GABRG3: variants seen among roughly 807,000 people sequenced by gnomAD.
The protein encoded by GABRG3 is gamma-aminobutyric acid type A receptor subunit gamma3, also known as gamma-aminobutyric acid receptor subunit gamma-3.
Under a neutral mutation model 48.8 loss-of-function variants are expected in GABRG3, and 25 were observed. The ratio of observed to expected loss-of-function variants is 0.51; its 90% CI spans 0.37 to 0.72. The LOEUF (loss-of-function observed/expected upper bound fraction) is 0.72. Ranked by LOEUF, GABRG3 falls within the 30% of genes least tolerant of loss-of-function variation. The pLI, the probability that GABRG3 is intolerant of heterozygous loss-of-function variation, is 0.00. For missense variants in GABRG3, 394 were observed against 577.9 expected, an observed-to-expected ratio of 0.68 and a Z score of 3.26; for synonymous variants, 227 against 217.6, an observed-to-expected ratio of 1.04 and a Z score of -0.38.
intron 3 of GABRG3, among the ~76,000 whole-genome samples, chr15:27,105,216 G>A (rs538688054): frequency 6.6e-6 from 1 of 152,186 alleles, no homozygotes; most frequent in East Asian, 1.9e-4. Flanking sequence ...TAAAAGGATC[G>A]ATTCACCAGG....
intron 3 of GABRG3, among the ~76,000 whole-genome samples, chr15:27,136,538 T>C (rs1466107062): frequency 2.0e-5 from 3 of 152,138 alleles, no homozygotes; most frequent in Non-Finnish European, 2.9e-5. Context: ...GGGGTGATCG[T>C]GTTTCAGGCA....
chr15:27,265,707 CT>C (rs1423023698), intron 3 of GABRG3, among the ~76,000 whole-genome samples: 1 of 152,150 alleles, frequency 6.6e-6, no homozygotes, highest in African/African-American at 2.4e-5. Flanking sequence ...GTTGCAAATA[CT>C]TTCTCTCAGT....
At position 26,974,094 on chromosome 15, in the gene GABRG3, T is replaced by G. The variant is rs1040546390; in HGVS notation, c.53+2506T>G. On this transcript the variant is annotated intron_variant, in intron 1 of 9. Transcript: ENST00000615808. This position sits in a 1 kb window ranked among gnomAD's most constrained non-coding sequence, Gnocchi z 4.3. The stretch of plus-strand genomic sequence containing the variant: ...GAGGCTTCTATTTCATTTTCAGGAT[T>G]TGAGGGAGAAGGGTGCTCACTGCCC... Among the ~76,000 whole-genome samples, 1 of 152,168 alleles carries G rather than the reference T, an allele frequency of 6.6e-6. No individual in the cohort carries two copies. Among genetic ancestry groups the G allele is most frequent in the Admixed American group, 6.5e-5 (1 of 15,276 alleles).
At chr15:27,356,341 C>T (rs1477488785) in intron 5 of GABRG3, among the ~76,000 whole-genome samples, 2 of 152,020 alleles carry the variant, frequency 1.3e-5, no homozygotes, top group Non-Finnish European at 2.9e-5. Context: ...TTCTTTGAAT[C>T]AGTGATTCCA....
In GABRG3 at chr15:27,151,384, C is replaced by T. The variant is rs552923237; in HGVS notation, c.270+124563C>T. Among the ~76,000 whole-genome samples, 6 of 151,220 alleles carry T rather than the reference C, an allele frequency of 4.0e-5. No homozygotes were observed. The South Asian group carries it at 1.3e-3, about 32-fold the overall frequency. ...TTTTTTTTTTTTAATCAACATCTTT[C>T]TCTGGAGATTGATCCAGGTTATTGT... On this transcript the variant is annotated intron_variant, in intron 3 of 9. Transcript: ENST00000615808.
chr15:26,992,247 G>A (rs1711544034), intron 2 of GABRG3, among the ~76,000 whole-genome samples: 1 of 152,000 alleles, frequency 6.6e-6, no homozygotes, highest in African/African-American at 2.4e-5. Context: ...ATTGCTTTAG[G>A]TAGGACTTCA....
intron 6 of GABRG3, among the ~76,000 whole-genome samples, chr15:27,482,150 C>A (rs1890115051): frequency 6.6e-6 from 1 of 152,212 alleles, no homozygotes; most frequent in Non-Finnish European, 1.5e-5. Flanking sequence ...CTGAACAATT[C>A]TTGTGCTAGG....
chr15:27,440,153 A>G (rs1428782774), intron 5 of GABRG3, among the ~76,000 whole-genome samples: 1 of 151,462 alleles, frequency 6.6e-6, no homozygotes, highest in Admixed American at 6.6e-5. Flanking sequence ...CATCCCCAAC[A>G]CTCTCAAAAA....
At position 27,251,946 on chromosome 15, in the gene GABRG3, G is replaced by A. The variant is rs556377247; in HGVS notation, c.271-74863G>A. ...TCCTCAGCATAGCTGTGCAGTAAGA[G>A]CCCTGTGAGCCTGCGGGGACTTACC... is the stretch of plus-strand genomic sequence containing the variant. On this transcript the variant is annotated intron_variant, in intron 3 of 9. Transcript: ENST00000615808. Among the ~76,000 whole-genome samples the A allele has an allele frequency of 1.4e-3, 217 of 152,312 alleles. 2 individuals are homozygous for A. The highest frequency in any genetic ancestry group is 4.9e-3 in the African/African-American group (205 of 41,574).
In GABRG3 at chr15:27,540,982, G is replaced by T. The variant is rs544904534; in HGVS notation, c.*8101G>T. On this transcript the variant is annotated 3_prime_UTR_variant, in exon 10 of 10. Coordinates refer to ENST00000615808, the MANE Select transcript of GABRG3 (RefSeq NM_033223.5). ...GTATTAGCACTAAGCCTCTGGTTAGGATAAAAAGGAGCAAGGGAGAGGGAG... is the reference window on the plus strand; with the variant it reads ...GTATTAGCACTAAGCCTCTGGTTAGTATAAAAAGGAGCAAGGGAGAGGGAG... 6.6e-6 allele frequency: 1 copy of T among 152,350 alleles called. No homozygotes were observed. The highest frequency in any genetic ancestry group is 1.9e-4 in the East Asian group (1 of 5,180). 9.4% of individuals were successfully genotyped at this position (152,350 alleles called of 1,614,324 possible).
At chr15:27,121,425 C>T (rs144204517) in intron 3 of GABRG3, among the ~76,000 whole-genome samples, 42 of 152,290 alleles carry the variant, frequency 2.8e-4, no homozygotes, top group African/African-American at 9.6e-4. Context: ...ACCCTGGTTC[C>T]ATCATGTCTA....
At chr15:27,525,468 C>A (rs562854206) in intron 7 of GABRG3, among the ~76,000 whole-genome samples, 1 of 152,260 alleles carries the variant, frequency 6.6e-6, no homozygotes, top group East Asian at 1.9e-4. Flanking sequence ...TAGCTTAGAT[C>A]CCTGAACTAA....
At chr15:27,350,121 TCC>T (rs1308566431) in intron 5 of GABRG3, 3 of 455,932 alleles carry the variant, frequency 6.6e-6, no homozygotes, top group African/African-American at 2.0e-5. Flanking sequence ...CTGCTCACTT[TCC>T]CAGCCACCAT....
At chr15:27,235,321 C>A (rs1285601589) in intron 3 of GABRG3, among the ~76,000 whole-genome samples, 6 of 152,200 alleles carry the variant, frequency 3.9e-5, no homozygotes, top group Non-Finnish European at 7.3e-5. Flanking sequence ...ATAGGTCAAC[C>A]TAGTTCACAG....
At chr15:27,223,333 C>T (rs777618957) in intron 3 of GABRG3, among the ~76,000 whole-genome samples, 83 of 152,172 alleles carry the variant, frequency 5.5e-4, no homozygotes, top group Admixed American at 2.4e-3. Flanking sequence ...AAGCCAATCG[C>T]TGAGACAAGT....
intron 3 of GABRG3, among the ~76,000 whole-genome samples, chr15:27,268,062 T>A (rs1890975060): frequency 6.6e-6 from 1 of 152,198 alleles, no homozygotes; most frequent in East Asian, 1.9e-4. Flanking sequence ...ATATAATGAG[T>A]TGGGATGTAG....
intron 3 of GABRG3, among the ~76,000 whole-genome samples, chr15:27,083,813 C>T (rs1897030731): frequency 6.6e-6 from 1 of 152,220 alleles, no homozygotes; most frequent in East Asian, 1.9e-4. Context: ...ATGGGTGTTT[C>T]AAATACCCGT....
chr15:27,462,768 T>C (rs1040434764), intron 5 of GABRG3, among the ~76,000 whole-genome samples: 1 of 152,224 alleles, frequency 6.6e-6, no homozygotes, highest in African/African-American at 2.4e-5. Context: ...AATTCGGCAT[T>C]TATCCCAAAA....
intron 3 of GABRG3, among the ~76,000 whole-genome samples, chr15:27,263,520 A>G (rs11856148): frequency 0.15 from 22,363 of 152,002 alleles, 3,217 homozygotes; most frequent in African/African-American, 0.37. Context: ...AGGAGCAGAT[A>G]GGAGCGTCCG....
Sources: allele counts gnomAD v4.1 joint callset (sites outside exome capture counted in the v4.1 genomes callset), GRCh38; gene constraint gnomAD v4.1.1; non-coding constraint Gnocchi (gnomAD v3.1); transcripts MANE v1.5; gene names NCBI Gene and HGNC (gene_info 2026-07-23, HGNC 2026-07-21).